The following GPR174 variants were observed in gnomAD, a reference collection of about 807,000 sequenced individuals.
The protein encoded by GPR174 is probable G protein-coupled receptor 174.
In GPR174, 8 loss-of-function variants were observed where a neutral mutation model predicts 16.5. The observed-to-expected ratio is 0.48, with a 90% CI of 0.28 to 0.87. The LOEUF (loss-of-function observed/expected upper bound fraction) is 0.87. GPR174 is among the 40% of genes least tolerant of loss of function. The pLI is 0.09. For synonymous variants in GPR174, 111 were observed against 94.8 expected, an observed-to-expected ratio of 1.17 and a Z score of -0.99; for missense variants, 214 against 247.5, an observed-to-expected ratio of 0.86 and a Z score of 0.91.
intron 1 of GPR174, among the ~76,000 whole-genome samples, chrX:79,148,665 T>C (rs1251461343): frequency 9.0e-6 from 1 of 110,905 alleles, no homozygotes; most frequent in Admixed American, 9.6e-5. Flanking sequence ...ACCATAGCCA[T>C]GCACCACTAT....
At chrX:79,162,332 T>A (rs1476377935) in intron 2 of GPR174, among the ~76,000 whole-genome samples, 1 of 110,514 alleles carries the variant, frequency 9.0e-6, no homozygotes, top group Non-Finnish European at 1.9e-5. Context: ...GAAGAGCAAA[T>A]TTCCCGGCAG....
chrX:79,161,438 T>C (rs190874428), intron 2 of GPR174, among the ~76,000 whole-genome samples: 9 of 112,766 alleles, frequency 8.0e-5, no homozygotes, highest in Non-Finnish European at 7.5e-5. Flanking sequence ...AATTCTTTTA[T>C]TTATGGTCAT....
chrX:79,169,763 G>A (rs926418020), intron 2 of GPR174, among the ~76,000 whole-genome samples: 2 of 111,689 alleles, frequency 1.8e-5, no homozygotes, highest in Non-Finnish European at 3.8e-5. Context: ...AACTTTCTAT[G>A]GATTTTGATT....
intron 1 of GPR174, among the ~76,000 whole-genome samples, chrX:79,149,489 A>G (rs1926561456): frequency 8.9e-6 from 1 of 111,930 alleles, no homozygotes; most frequent in South Asian, 3.6e-4. Context: ...AGAACTACTG[A>G]CCCTAGAAAT....
chrX:79,163,207 T>C (rs938474822), intron 2 of GPR174, among the ~76,000 whole-genome samples: 2 of 112,039 alleles, frequency 1.8e-5, no homozygotes, highest in African/African-American at 6.5e-5. Flanking sequence ...ACTGCAGAAA[T>C]ATGTCAGTCT....
chrX:79,168,673 C>G (rs919069442), intron 2 of GPR174, among the ~76,000 whole-genome samples: 1 of 110,111 alleles, frequency 9.1e-6, no homozygotes, highest in Non-Finnish European at 1.9e-5. Context: ...TGCACTCCAA[C>G]CCAGGAGATA....
In GPR174 at chrX:79,156,938, A is replaced by T. The variant is rs1041696359; in HGVS notation, c.-557+20A>T. ...CAGCAGGTAGTCAAATACAGTCTTG[A>T]CTTCTATTTCTGCATCTTTCCTAAA... On this transcript the variant is annotated intron_variant, in intron 2 of 2. Transcript: ENST00000645147. 4.5e-5 allele frequency: 5 copies of T among 111,940 alleles called. No individual in the cohort carries two copies. Among genetic ancestry groups the T allele is most frequent in the African/African-American group, 6.5e-5 (2 of 30,748 alleles). The allele number at this position is 111,940 out of a possible 1,213,427, so 9.2% of individuals were successfully genotyped here.
intron 1 of GPR174, among the ~76,000 whole-genome samples, chrX:79,146,525 T>C (rs946815499): frequency 2.7e-5 from 3 of 112,285 alleles, no homozygotes; most frequent in African/African-American, 9.7e-5. Flanking sequence ...AACATTTGGA[T>C]ATGCCAAGAA....
Position 79,144,822 on chromosome X carries a change from C to T in GPR174, c.-1049C>T, listed in dbSNP as rs1289688543. 1 of 110,134 alleles carries T rather than the reference C, an allele frequency of 9.1e-6. No homozygotes were observed. Among genetic ancestry groups the T allele is most frequent in the African/African-American group, 3.3e-5 (1 of 30,300 alleles). 9.1% of individuals were successfully genotyped at this position (110,134 alleles called of 1,213,427 possible). A position where few individuals can be genotyped will look rare whatever the true frequency, so the allele number is the denominator to read the frequency against. ...CTTTCATAATTTTTCTTTTGGCTTTCTTTTATTTTGTATTATTTTTACTTT... is the reference window on the plus strand; with the variant it reads ...CTTTCATAATTTTTCTTTTGGCTTTTTTTTATTTTGTATTATTTTTACTTT... On this transcript the variant is annotated 5_prime_UTR_variant, in exon 1 of 3. Transcript: ENST00000645147.
intron 2 of GPR174, among the ~76,000 whole-genome samples, chrX:79,169,968 T>C (rs186058442): frequency 1.4e-3 from 160 of 112,123 alleles, no homozygotes; most frequent in African/African-American, 4.9e-3. Context: ...TTTGAAAAGA[T>C]ACAAATTGCA....
Position 79,171,380 on chromosome X carries a change from C to T in GPR174, c.373C>T (p.Arg125Cys), listed in dbSNP as rs752024773. Residue 125 changes from arginine (R) to cysteine (C), a missense_variant, in exon 3 of 3, where the codon CGC becomes TGC. Coordinates refer to ENST00000645147, the MANE Select transcript of GPR174 (RefSeq NM_032553.3). ...RRFWFLMYPF[R>C]FHDCKQKYDL... ...ATTTTGGTTTCTCATGTACCCCTTTCGCTTCCATGACTGCAAACAGAAATA... is the reference window on the plus strand; with the variant it reads ...ATTTTGGTTTCTCATGTACCCCTTTTGCTTCCATGACTGCAAACAGAAATA... 6.6e-6 allele frequency: 8 copies of T among 1,211,670 alleles called. No individual in the cohort carries two copies. In the South Asian group the frequency reaches 7.0e-5, roughly 11 times the overall value.
chrX:79,164,118 A>G, intron 2 of GPR174, among the ~76,000 whole-genome samples: 1 of 111,177 alleles, frequency 9.0e-6, no homozygotes, highest in East Asian at 2.8e-4. Flanking sequence ...TGAGCTCCAA[A>G]TGAATATGTC....
chrX:79,145,004 C>CTCTCTT lies in GPR174; in HGVS notation c.-864_-863insCTTTCT, dbSNP rs1263513323. 2 of 49,491 alleles carry CTCTCTT rather than the reference C, an allele frequency of 4.0e-5. No homozygotes were observed. The highest frequency in any genetic ancestry group is 7.8e-5 in the Non-Finnish European group (2 of 25,579). The allele number at this position is 49,491 out of a possible 1,213,427, so 4.1% of individuals were successfully genotyped here. A position where few individuals can be genotyped will look rare whatever the true frequency, so the allele number is the denominator to read the frequency against. On this transcript the variant is annotated 5_prime_UTR_variant, in exon 1 of 3. Transcript: ENST00000645147. ...TTTCTTTCTTTCTTTCTCTCTCTCT[C>CTCTCTT]TCTTTCTTTCTTTCTTTCTTTCTTT...
Position 79,171,127 on chromosome X carries a change from C to A in GPR174, c.120C>A (p.Ala40=), listed in dbSNP as rs1394505624. 1.7e-6 allele frequency: 2 copies of A among 1,207,564 alleles called. No homozygotes were observed. The highest frequency in any genetic ancestry group is 1.1e-6 in the Non-Finnish European group (1 of 892,957). Residue 40 remains alanine (A), a synonymous_variant, in exon 3 of 3, where the codon GCC becomes GCA. Coordinates refer to ENST00000645147, the MANE Select transcript of GPR174 (RefSeq NM_032553.3). ...CAGGTCTCATAGGGAATATATTAGC[C>A]CTGTGGGTATTCTATGGTTATATGA... ...LVPGLIGNIL[A]LWVFYGYMKE...
chrX:79,164,815 A>G (rs935847907), intron 2 of GPR174, among the ~76,000 whole-genome samples: 1 of 111,450 alleles, frequency 9.0e-6, no homozygotes, highest in African/African-American at 3.3e-5. Context: ...AAACTGTGCC[A>G]CTAGGGGAGG....
At chrX:79,162,148 G>A (rs779101827) in intron 2 of GPR174, among the ~76,000 whole-genome samples, 1 of 111,645 alleles carries the variant, frequency 9.0e-6, no homozygotes, top group Non-Finnish European at 1.9e-5. Flanking sequence ...GGTCATTGTT[G>A]CTGCAAAGGG....
chrX:79,151,895 A>T (rs969131663), intron 1 of GPR174, among the ~76,000 whole-genome samples: 2 of 111,870 alleles, frequency 1.8e-5, no homozygotes, highest in African/African-American at 6.5e-5. Flanking sequence ...AAGGTGTGTG[A>T]CTTCATGGAA....
intron 2 of GPR174, among the ~76,000 whole-genome samples, chrX:79,165,258 A>G (rs1307720586): frequency 9.2e-6 from 1 of 108,667 alleles, no homozygotes; most frequent in Non-Finnish European, 1.9e-5. Context: ...GCTCCCAAAT[A>G]TAAGTAAAGC....
intron 2 of GPR174, among the ~76,000 whole-genome samples, chrX:79,160,004 A>T (rs190398621): frequency 1.8e-5 from 2 of 111,815 alleles, no homozygotes; most frequent in East Asian, 5.6e-4. Context: ...AGCACAACTT[A>T]TATTTTCAAA....
Sources: allele counts gnomAD v4.1 joint callset (sites outside exome capture counted in the v4.1 genomes callset), GRCh38; gene constraint gnomAD v4.1.1; transcripts MANE v1.5; gene names NCBI Gene and HGNC (gene_info 2026-07-23, HGNC 2026-07-21).